The following PHKB variants were observed in gnomAD, a reference collection of about 807,000 sequenced individuals.
PHKB encodes the protein phosphorylase kinase regulatory subunit beta.
Under a neutral mutation model 152.1 loss-of-function variants are expected in PHKB, and 122 were observed. The observed-to-expected ratio is 0.80, with a 90% CI of 0.69 to 0.93. The LOEUF is 0.93. PHKB is among the 40% of genes least tolerant of loss of function. The pLI, the probability that PHKB is intolerant of heterozygous loss-of-function variation, is 0.00. For missense variants in PHKB, 1,304 were observed against 1,328.4 expected, an observed-to-expected ratio of 0.98 and a Z score of 0.29; for synonymous variants, 436 against 464.9, an observed-to-expected ratio of 0.94 and a Z score of 0.80.
intron 4 of PHKB, among the ~76,000 whole-genome samples, chr16:47,509,829 C>T (rs1227956850): frequency 1.3e-5 from 2 of 150,386 alleles, no homozygotes; most frequent in African/African-American, 5.0e-5. Flanking sequence ...TGGGTATATA[C>T]AGTTTGTTGC....
At chr16:47,694,893 A>G (rs575937076) in intron 28 of PHKB, among the ~76,000 whole-genome samples, 1 of 152,224 alleles carries the variant, frequency 6.6e-6, no homozygotes, top group South Asian at 2.1e-4. Flanking sequence ...AACATGTAGT[A>G]TCCTTGCTTT....
chr16:47,659,455 A>G (rs918762595), intron 20 of PHKB, among the ~76,000 whole-genome samples: 2 of 152,198 alleles, frequency 1.3e-5, no homozygotes, highest in Non-Finnish European at 2.9e-5. Context: ...TTTTATGAGT[A>G]CATTTCTCAA....
intron 1 of PHKB, among the ~76,000 whole-genome samples, chr16:47,470,700 C>T (rs1187877695): frequency 2.0e-5 from 3 of 152,226 alleles, no homozygotes; most frequent in Admixed American, 2.0e-4. Context: ...TGCTGCCTTC[C>T]TTCTCTTCAT....
chr16:47,498,583 T>G (rs13337120), intron 2 of PHKB, among the ~76,000 whole-genome samples: 1,908 of 152,280 alleles, frequency 0.013, 50 homozygotes, highest in African/African-American at 0.044. Context: ...GAATGTTTTC[T>G]GCCTTTGGAA....
At chr16:47,684,792 T>C (rs901137648) in intron 26 of PHKB, among the ~76,000 whole-genome samples, 2 of 146,926 alleles carry the variant, frequency 1.4e-5, no homozygotes, top group African/African-American at 2.5e-5. Flanking sequence ...AAAAAAAGAG[T>C]GTTTTTAAAA....
At position 47,566,318 on chromosome 16, in the gene PHKB, G is replaced by T. The variant is rs1222814769; in HGVS notation, c.711-13977G>T. 2.5e-6 allele frequency: 3 copies of T among 1,215,746 alleles called. No individual in the cohort carries two copies. The African/African-American group carries it at 4.5e-5, about 18-fold the overall frequency. 75.3% of individuals were successfully genotyped at this position (1,215,746 alleles called of 1,614,324 possible). On this transcript the variant is annotated intron_variant, in intron 7 of 30. Transcript: ENST00000323584. ...GAGCCCTTCAGTCTGTATCTGTTTT[G>T]TCATAATCCCCATTTCTATCACAGC...
chr16:47,592,947 T>C (rs1252946590), intron 10 of PHKB, among the ~76,000 whole-genome samples: 1 of 152,110 alleles, frequency 6.6e-6, no homozygotes, highest in African/African-American at 2.4e-5. Flanking sequence ...GTTCTTCTAA[T>C]GTAATTGTTA....
intron 6 of PHKB, among the ~76,000 whole-genome samples, chr16:47,542,058 T>C (rs1309468959): frequency 6.6e-6 from 1 of 152,244 alleles, no homozygotes; most frequent in East Asian, 1.9e-4. Context: ...GTTTTAGTCA[T>C]TAAGTCCTTG....
intron 5 of PHKB, among the ~76,000 whole-genome samples, chr16:47,513,921 T>G (rs1970551813): frequency 6.6e-6 from 1 of 152,180 alleles, no homozygotes; most frequent in East Asian, 1.9e-4. Context: ...TATTCAGAGT[T>G]TCTCAACCAT....
In PHKB at chr16:47,503,013, A is replaced by G; in HGVS notation, c.328A>G (p.Arg110Gly). The G allele has an allele frequency of 6.2e-7, 1 of 1,613,052 alleles. No homozygotes were observed. Among genetic ancestry groups the G allele is most frequent in the Non-Finnish European group, 8.5e-7 (1 of 1,178,966 alleles). The change falls in exon 4 of 31, where the codon AGG becomes GGG. Residue 110 changes from arginine (R) to glycine (G), a missense_variant. Transcript: ENST00000323584. ...CAGGCGAATTGATGATGACAAGGGA[A>G]GGACCCATGAGCTGGAGCACTCAGC... ...AYRRIDDDKG[R>G]THELEHSAIK...
In PHKB at chr16:47,700,433, A is replaced by G. The variant is rs1974229324; in HGVS notation, c.*1067A>G. ...ACGTTCTACTAGTAAAAACAACATT[A>G]AGGGTCATTAAATTTTATTTCTGAA... is the stretch of plus-strand genomic sequence containing the variant. On this transcript the variant is annotated 3_prime_UTR_variant, in exon 31 of 31. Coordinates refer to ENST00000323584, the MANE Select transcript of PHKB (RefSeq NM_000293.3). The G allele has an allele frequency of 6.6e-6, 1 of 152,028 alleles. No individual in the cohort carries two copies. The highest frequency in any genetic ancestry group is 1.5e-5 in the Non-Finnish European group (1 of 67,974). The allele number at this position is 152,028 out of a possible 1,614,324, so 9.4% of individuals were successfully genotyped here. A position where few individuals can be genotyped will look rare whatever the true frequency, so the allele number is the denominator to read the frequency against.
chr16:47,520,961 A>G (rs1419994553), intron 6 of PHKB, among the ~76,000 whole-genome samples: 1 of 152,040 alleles, frequency 6.6e-6, no homozygotes, highest in East Asian at 1.9e-4. Context: ...GTAGTTTTTA[A>G]TACATTATTC....
intron 7 of PHKB, among the ~76,000 whole-genome samples, chr16:47,576,712 C>T (rs1971755751): frequency 6.6e-6 from 1 of 152,168 alleles, no homozygotes; most frequent in African/African-American, 2.4e-5. Context: ...TTATAATATC[C>T]TTCTCTGTCT....
intron 6 of PHKB, among the ~76,000 whole-genome samples, chr16:47,516,060 TG>T (rs1314810073): frequency 1.3e-5 from 2 of 151,906 alleles, no homozygotes; most frequent in African/African-American, 4.8e-5. Flanking sequence ...CCAAAGTATC[TG>T]GGATTATAGG....
At chr16:47,553,267 C>G (rs1971306294) in intron 7 of PHKB, among the ~76,000 whole-genome samples, 1 of 152,000 alleles carries the variant, frequency 6.6e-6, no homozygotes, top group Admixed American at 6.6e-5. Context: ...TGTCTTCTCG[C>G]TTTATTTCAT....
intron 6 of PHKB, among the ~76,000 whole-genome samples, chr16:47,516,415 G>A (rs554587490): frequency 2.6e-4 from 40 of 152,280 alleles, no homozygotes; most frequent in Non-Finnish European, 4.7e-4. Flanking sequence ...AAGATGAGAA[G>A]CATTTCTTTC....
intron 26 of PHKB, among the ~76,000 whole-genome samples, chr16:47,684,535 G>C (rs1289661342): frequency 6.6e-6 from 1 of 152,164 alleles, no homozygotes; most frequent in Non-Finnish European, 1.5e-5. Flanking sequence ...GGGAGGCCAA[G>C]GTAGGCGGAT....
chr16:47,666,165 T>C (rs1419251169), intron 25 of PHKB: 1 of 726,360 alleles, frequency 1.4e-6, no homozygotes, highest in African/African-American at 1.8e-5. Context: ...CTCAGGCACT[T>C]TCTATCAAAG....
At chr16:47,544,370 T>G (rs1971120103) in intron 6 of PHKB, among the ~76,000 whole-genome samples, 1 of 152,226 alleles carries the variant, frequency 6.6e-6, no homozygotes, top group African/African-American at 2.4e-5. Context: ...AGGAGCAGGT[T>G]CTTCAGTTTC....
Sources: allele counts gnomAD v4.1 joint callset (sites outside exome capture counted in the v4.1 genomes callset), GRCh38; gene constraint gnomAD v4.1.1; transcripts MANE v1.5; gene names NCBI Gene and HGNC (gene_info 2026-07-23, HGNC 2026-07-21).